L3MBTL4: variants seen among roughly 807,000 people sequenced by gnomAD.
L3MBTL4 encodes the protein L3MBTL histone methyl-lysine binding protein 4.
Under a neutral mutation model 84.5 loss-of-function variants are expected in L3MBTL4, and 70 were observed. That is an observed-to-expected ratio of 0.83 (90% CI 0.68 to 1.01). The LOEUF is 1.01. Ranked by LOEUF, L3MBTL4 falls within the 50% of genes least tolerant of loss-of-function variation. L3MBTL4 has a pLI of 0.00. For missense variants in L3MBTL4, 715 were observed against 754.8 expected (o/e 0.95, Z 0.62); for synonymous variants, 274 against 259.8 (o/e 1.05, Z -0.52).
chr18:6,123,493 C>G (rs564045207), intron 14 of L3MBTL4, among the ~76,000 whole-genome samples: 6 of 152,090 alleles, frequency 3.9e-5, no homozygotes, highest in Non-Finnish European at 7.4e-5. Context: ...GGGCTGTTCC[C>G]CTGCATAGGC....
At chr18:6,021,491 C>T (rs1382218448) in intron 16 of L3MBTL4, among the ~76,000 whole-genome samples, 1 of 152,182 alleles carries the variant, frequency 6.6e-6, no homozygotes, top group African/African-American at 2.4e-5. Context: ...TTTTCAGACA[C>T]AATCTGTTGG....
At chr18:6,051,963 A>T (rs939114892) in intron 16 of L3MBTL4, among the ~76,000 whole-genome samples, 1 of 152,176 alleles carries the variant, frequency 6.6e-6, no homozygotes, top group African/African-American at 2.4e-5. Flanking sequence ...AGAATTTCCC[A>T]TCAGTAGAGA....
intron 13 of L3MBTL4, among the ~76,000 whole-genome samples, chr18:6,149,065 T>C (rs1216819957): frequency 3.3e-5 from 5 of 152,174 alleles, no homozygotes; most frequent in African/African-American, 7.2e-5. Context: ...ATTATTATTA[T>C]ACTTTAAGTT....
At chr18:6,129,366 CTCTGTGTGTG>C (rs1037611204) in intron 14 of L3MBTL4, among the ~76,000 whole-genome samples, 4 of 139,110 alleles carry the variant, frequency 2.9e-5, no homozygotes, top group African/African-American at 1.1e-4. Flanking sequence ...CTGGAATTCT[CTCTGTGTGTG>C]TGTGTGTGTG....
At chr18:6,120,272 T>C (rs2059484973) in intron 14 of L3MBTL4, among the ~76,000 whole-genome samples, 1 of 152,182 alleles carries the variant, frequency 6.6e-6, no homozygotes, top group African/African-American at 2.4e-5. Context: ...CGGGGCCTGC[T>C]TGCTAATGGC....
At chr18:6,165,369 C>T (rs9962653) in intron 13 of L3MBTL4, among the ~76,000 whole-genome samples, 13,618 of 152,014 alleles carry the variant, frequency 0.09, 1,084 homozygotes, top group East Asian at 0.42. Context: ...AATTCCAAGA[C>T]ACATAATTGT....
intron 4 of L3MBTL4, among the ~76,000 whole-genome samples, chr18:6,299,994 T>A (rs960723165): frequency 6.6e-6 from 1 of 152,204 alleles, no homozygotes; most frequent in Non-Finnish European, 1.5e-5. Flanking sequence ...CAATTTTCTG[T>A]TCACATATAA....
chr18:6,045,449 A>G (rs1391548193), intron 16 of L3MBTL4, among the ~76,000 whole-genome samples: 1 of 148,502 alleles, frequency 6.7e-6, no homozygotes, highest in Non-Finnish European at 1.5e-5. Context: ...TTACAAAAGA[A>G]AGAAGTTTAT....
chr18:6,310,280 T>A (rs1409910228), intron 3 of L3MBTL4, among the ~76,000 whole-genome samples: 2 of 152,160 alleles, frequency 1.3e-5, no homozygotes, highest in African/African-American at 4.8e-5. Flanking sequence ...AAATAGAAAG[T>A]TCTTCCCTTA....
intron 16 of L3MBTL4, among the ~76,000 whole-genome samples, chr18:6,015,273 A>C (rs2054914039): frequency 6.6e-6 from 1 of 152,060 alleles, no homozygotes; most frequent in South Asian, 2.1e-4. Context: ...CTAGTAATCA[A>C]ATTTTGAGTT....
intron 12 of L3MBTL4, among the ~76,000 whole-genome samples, chr18:6,209,894 T>C (rs192714523): frequency 6.6e-6 from 1 of 152,272 alleles, no homozygotes; most frequent in Non-Finnish European, 1.5e-5. Flanking sequence ...AATCAAAAGA[T>C]CACATATTAT....
chr18:6,199,646 C>A (rs933221308), intron 12 of L3MBTL4, among the ~76,000 whole-genome samples: 1 of 152,284 alleles, frequency 6.6e-6, no homozygotes, highest in African/African-American at 2.4e-5. Flanking sequence ...CAGGAAGCAG[C>A]TATGCTATCC....
At chr18:6,293,636 CT>C (rs1451958264) in intron 4 of L3MBTL4, among the ~76,000 whole-genome samples, 6 of 152,044 alleles carry the variant, frequency 3.9e-5, no homozygotes, top group Non-Finnish European at 7.4e-5. Context: ...GTGGAAAAAC[CT>C]GGAAGACACT....
intron 1 of L3MBTL4, among the ~76,000 whole-genome samples, chr18:6,407,917 G>T (rs1452804731): frequency 6.6e-6 from 1 of 152,182 alleles, no homozygotes; most frequent in Non-Finnish European, 1.5e-5. Context: ...AGTATGTATA[G>T]TCCAGTCTCA....
At chr18:6,127,077 G>A (rs2059718950) in intron 14 of L3MBTL4, among the ~76,000 whole-genome samples, 1 of 152,182 alleles carries the variant, frequency 6.6e-6, no homozygotes, top group Non-Finnish European at 1.5e-5. Flanking sequence ...TTAAAGCCGT[G>A]CCTTTGGGAA....
chr18:6,346,622 T>C (rs1053092480), intron 1 of L3MBTL4, among the ~76,000 whole-genome samples: 1 of 151,908 alleles, frequency 6.6e-6, no homozygotes, highest in African/African-American at 2.4e-5. Context: ...ATCAAGGAAA[T>C]ACAAATAAAA....
intron 16 of L3MBTL4, among the ~76,000 whole-genome samples, chr18:5,994,818 C>A (rs1474632964): frequency 1.3e-5 from 2 of 152,196 alleles, no homozygotes; most frequent in Non-Finnish European, 2.9e-5. Context: ...CCCAGTTCTG[C>A]TCTCAGGAAT....
At chr18:5,992,049 G>C (rs1306488812) in intron 16 of L3MBTL4, among the ~76,000 whole-genome samples, 1 of 151,760 alleles carries the variant, frequency 6.6e-6, no homozygotes, top group Non-Finnish European at 1.5e-5. Flanking sequence ...ATTATACCAG[G>C]TTCTTGGGAC....
At chr18:6,048,331 G>A (rs1469940820) in intron 16 of L3MBTL4, among the ~76,000 whole-genome samples, 1 of 152,104 alleles carries the variant, frequency 6.6e-6, no homozygotes, top group Non-Finnish European at 1.5e-5. Context: ...CAGATTCAAT[G>A]CTATCCCTAT....
Sources: allele counts gnomAD v4.1 joint callset (sites outside exome capture counted in the v4.1 genomes callset), GRCh38; gene constraint gnomAD v4.1.1; transcripts MANE v1.5; gene names NCBI Gene and HGNC (gene_info 2026-07-23, HGNC 2026-07-21).